The following TRPM2 variants were observed in gnomAD, a reference collection of about 807,000 sequenced individuals.
TRPM2 encodes estrogen-responsive element-associated gene 1 protein.
TRPM2 carries 161 observed loss-of-function variants against 174.0 expected under a neutral mutation model. The observed-to-expected ratio is 0.93, with a 90% confidence interval of 0.81 to 1.05. TRPM2 has a LOEUF of 1.05. Among genes scored for constraint, TRPM2 ranks in the 50% least tolerant of loss-of-function variants. The pLI, the probability that TRPM2 is intolerant of heterozygous loss-of-function variation, is 0.00. For synonymous variants in TRPM2, 954 were observed against 861.3 expected, an observed-to-expected ratio of 1.11 and a Z score of -1.88; for missense variants, 2,057 against 2,038.0, an observed-to-expected ratio of 1.01 and a Z score of -0.18.
intron 5 of TRPM2, among the ~76,000 whole-genome samples, chr21:44,372,797 G>A (rs1261487849): frequency 2.0e-5 from 3 of 152,166 alleles, no homozygotes; most frequent in South Asian, 2.1e-4. Context: ...TGATAAGACC[G>A]GGGAGACCCC....
At chr21:44,414,250 C>T (rs1373336524) in intron 20 of TRPM2, among the ~76,000 whole-genome samples, 176 bp downstream of exon 20, 2 of 152,180 alleles carry the variant, frequency 1.3e-5, no homozygotes, top group Non-Finnish European at 1.5e-5. Context: ...GTCACTGCTG[C>T]GTCTCTTGAG....
chr21:44,387,373 C>G (rs1315203461), intron 9 of TRPM2, among the ~76,000 whole-genome samples: 1 of 152,000 alleles, frequency 6.6e-6, no homozygotes, highest in African/African-American at 2.4e-5. Context: ...CAAGTTAGAC[C>G]CTTACCTAAC....
intron 18 of TRPM2, 52 bp from the exon 19 acceptor site, chr21:44,406,542 A>G (rs1555897214): frequency 6.4e-7 from 1 of 1,556,904 alleles, no homozygotes; most frequent in South Asian, 1.2e-5. Flanking sequence ...CTCTGGGCCC[A>G]GTGAGCATCG....
chr21:44,379,377 G>A (rs979412146), intron 8 of TRPM2, among the ~76,000 whole-genome samples, 180 bp downstream of exon 8: 10 of 152,214 alleles, frequency 6.6e-5, no homozygotes, highest in African/African-American at 2.4e-4. Context: ...GGGTTCCGGA[G>A]GTCAGATCCC....
rs1306520572 is a variant in TRPM2, at chr21:44,367,570, C to G, written c.604+636C>G. ...CCGTGACCTGGTGCCCCGCCCCACC[C>G]TAATTCCATGGGGAGGGGGCCCCAA... On this transcript the variant is annotated intron_variant, in intron 4 of 31. Transcript: ENST00000397928. The surrounding 1 kb of genome is among the most constrained non-coding windows in gnomAD (Gnocchi z 4.6). 6.6e-6 allele frequency among the ~76,000 whole-genome samples: 1 copy of G among 152,220 alleles called. No homozygotes were observed. Among genetic ancestry groups the G allele is most frequent in the Non-Finnish European group, 1.5e-5 (1 of 68,042 alleles).
chr21:44,359,193 AGT>A, intron 2 of TRPM2, among the ~76,000 whole-genome samples: 1 of 151,016 alleles, frequency 6.6e-6, no homozygotes. Flanking sequence ...TCCATTTTAC[AGT>A]GTGCGGATTG....
chr21:44,401,839 G>T lies in TRPM2; in HGVS notation c.2480G>T (p.Trp827Leu). 1 of 1,613,898 alleles carries T rather than the reference G, an allele frequency of 6.2e-7. No individual in the cohort carries two copies. The highest frequency in any genetic ancestry group is 8.5e-7 in the Non-Finnish European group (1 of 1,180,008). ...LMVDFQPVPS[W>L]CECAIYLWLF... ...GTGGACTTCCAGCCTGTGCCCTCCT[G>T]GTGCGAGTGTGCCATCTACCTCTGG... Residue 827 changes from tryptophan to leucine, a missense_variant, in exon 16 of 32, where the codon TGG (tryptophan) becomes TTG (leucine). By Grantham distance (61) the Trp-to-Leu change is moderately conservative (BLOSUM62 -2). Transcript: ENST00000397928.
intron 27 of TRPM2, among the ~76,000 whole-genome samples, chr21:44,433,816 T>C (rs1234304875): frequency 1.3e-5 from 2 of 152,148 alleles, no homozygotes; most frequent in Non-Finnish European, 2.9e-5. Flanking sequence ...CATGTTCTGG[T>C]GCGGACTCTG....
Position 44,406,759 on chromosome 21 carries a change from A to T in TRPM2, c.2956A>T (p.Ile986Phe). The T allele has an allele frequency of 1.2e-6, 2 of 1,602,588 alleles. No homozygotes were observed. ...CATCTTCGGGCAGATCCCGGGCTAC[A>T]TCGACGGTAGGAGCCGGGCGCCATG... ...LTIFGQIPGY[I>F]DGVNFNPEHC... Residue 986 changes from isoleucine (I) to phenylalanine (F), a missense_variant, in exon 19 of 32, where the codon ATC (isoleucine) becomes TTC (phenylalanine). Coordinates refer to ENST00000397928, the MANE Select transcript of TRPM2 (RefSeq NM_003307.4).
At position 44,376,336 on chromosome 21, in the gene TRPM2, ATT is replaced by A. The variant is rs576671432; in HGVS notation, c.952+326_952+327del. ...CCAGGAGGGTCATCTTCTCTTGCCC[ATT>A]TTAGCCAGTGGGAGGGCGGTCTGGG... is the stretch of plus-strand genomic sequence containing the variant. On this transcript the variant is annotated intron_variant, in intron 6 of 31. Coordinates refer to ENST00000397928, the MANE Select transcript of TRPM2 (RefSeq NM_003307.4). This position sits in a 1 kb window ranked among gnomAD's most constrained non-coding sequence, Gnocchi z 4.2. Among the ~76,000 whole-genome samples, 6 of 152,162 alleles carry A rather than the reference ATT, an allele frequency of 3.9e-5. No homozygotes were observed. The East Asian group carries it at 1.2e-3, about 29-fold the overall frequency.
At chr21:44,423,770 C>T (rs2146369161) in intron 23 of TRPM2, 38 bp downstream of exon 23, 1 of 1,530,498 alleles carries the variant, frequency 6.5e-7, no homozygotes, top group Non-Finnish European at 8.9e-7. Flanking sequence ...GGAGGTGCCA[C>T]TGCTGGGCCT....
chr21:44,425,867 G>T, intron 25 of TRPM2, 40 bp downstream of exon 25: 1 of 1,496,666 alleles, frequency 6.7e-7, no homozygotes, highest in Non-Finnish European at 9.0e-7. Context: ...GAGTGGCCGG[G>T]CCCCTGGGGA....
Position 44,426,537 on chromosome 21 carries a change from C to T in TRPM2, c.3796-123C>T, listed in dbSNP as rs1235804364. 3 of 1,005,842 alleles carry T rather than the reference C, an allele frequency of 3.0e-6. No homozygotes were observed. The East Asian group carries it at 7.2e-5, about 24-fold the overall frequency. The allele number at this position is 1,005,842 out of a possible 1,614,324, so 62.3% of individuals were successfully genotyped here. A position where few individuals can be genotyped will look rare whatever the true frequency, so the allele number is the denominator to read the frequency against. ...GGATCTGCCCAGCTTGGAGCTTCTG[C>T]CCTGCATGTTGGGATGTTGGGGTCG... On this transcript the variant is annotated intron_variant, in intron 25 of 31. Coordinates refer to ENST00000397928, the MANE Select transcript of TRPM2 (RefSeq NM_003307.4).
intron 12 of TRPM2, among the ~76,000 whole-genome samples, chr21:44,396,557 G>A (rs1409653328): frequency 3.0e-5 from 1 of 33,734 alleles, no homozygotes; most frequent in Admixed American, 2.5e-4. Flanking sequence ...GGGTGTGGAG[G>A]CTGTGAAGGG....
chr21:44,417,775 T>G, intron 20 of TRPM2, 152 bp from the exon 21 acceptor site: 15 of 678,190 alleles, frequency 2.2e-5, no homozygotes, highest in South Asian at 9.7e-5. Flanking sequence ...ACAGTGGGCA[T>G]GTGGGTGTGG....
At chr21:44,441,657 G>A (rs200955698) in intron 31 of TRPM2, 35 bp from the exon 32 acceptor site, 2 of 1,584,430 alleles carry the variant, frequency 1.3e-6, no homozygotes, top group African/African-American at 1.3e-5. Context: ...AGGCAGGGCT[G>A]GCGGGGAGGG....
At chr21:44,406,224 G>GGT (rs2049869501) in intron 18 of TRPM2, among the ~76,000 whole-genome samples, 187 bp downstream of exon 18, 3 of 152,084 alleles carry the variant, frequency 2.0e-5, no homozygotes, top group Admixed American at 2.0e-4. Flanking sequence ...ACCTCTTCCA[G>GGT]GAAGCCTTCC....
intron 5 of TRPM2, among the ~76,000 whole-genome samples, chr21:44,370,753 T>C (rs536617079): frequency 6.6e-6 from 1 of 152,234 alleles, no homozygotes; most frequent in Non-Finnish European, 1.5e-5. Context: ...GGGGTCGGAC[T>C]GGACCAGCTG....
chr21:44,425,052 C>T lies in TRPM2; in HGVS notation c.3637+113C>T, dbSNP rs1479737796. 22 of 948,240 alleles carry T rather than the reference C, an allele frequency of 2.3e-5. No homozygotes were observed. In the Admixed American group the frequency reaches 5.0e-4, roughly 22 times the overall value. 58.7% of individuals were successfully genotyped at this position (948,240 alleles called of 1,614,324 possible). A position where few individuals can be genotyped will look rare whatever the true frequency, so the allele number is the denominator to read the frequency against. ...TGGGGGGCTCTGTCCAGGAGGAAGG[C>T]ACTGGCTGCAGCCTGTTCCAGGCAG... is the stretch of plus-strand genomic sequence containing the variant. On this transcript the variant is annotated intron_variant, in intron 24 of 31. Coordinates refer to ENST00000397928, the MANE Select transcript of TRPM2 (RefSeq NM_003307.4).
Sources: allele counts gnomAD v4.1 joint callset (sites outside exome capture counted in the v4.1 genomes callset), GRCh38; gene constraint gnomAD v4.1.1; non-coding constraint Gnocchi (gnomAD v3.1); transcripts MANE v1.5; gene names NCBI Gene and HGNC (gene_info 2026-07-23, HGNC 2026-07-21).